The following UBE3A variants were observed in gnomAD, a reference collection of about 807,000 sequenced individuals.
The protein encoded by UBE3A is ubiquitin-protein ligase E3A.
Under a neutral mutation model 83.4 loss-of-function variants are expected in UBE3A, and 6 were observed. The ratio of observed to expected loss-of-function variants is 0.07; its 90% CI spans 0.04 to 0.14. The LOEUF (loss-of-function observed/expected upper bound fraction) is 0.14. Among genes scored for constraint, UBE3A ranks in the 10% least tolerant of loss-of-function variants. The pLI is 1.00. For synonymous variants in UBE3A, 337 were observed against 355.4 expected, an observed-to-expected ratio of 0.95 and a Z score of 0.58; for missense variants, 456 against 1,036.1, an observed-to-expected ratio of 0.44 and a Z score of 7.69.
In UBE3A at chr15:25,366,165, A is replaced by G. The variant is rs538083851; in HGVS notation, c.1608+4401T>C. On this transcript the variant is annotated intron_variant, in intron 6 of 12. Coordinates refer to ENST00000648336, the MANE Select transcript of UBE3A (RefSeq NM_130839.5). ...ATTACTTTGAGGGCATAAACCAAGC[A>G]TATTTCTTGGTTTCATTTTTGATTT... 8.6e-4 allele frequency among the ~76,000 whole-genome samples: 131 copies of G among 152,364 alleles called. 1 individual carries two copies. Among genetic ancestry groups the G allele is most frequent in the African/African-American group, 3.1e-3 (127 of 41,592 alleles).
intron 11 of UBE3A, among the ~76,000 whole-genome samples, chr15:25,340,651 T>G (rs1330915064): frequency 6.6e-6 from 1 of 152,140 alleles, no homozygotes; most frequent in Non-Finnish European, 1.5e-5. Context: ...TTCTCCTTTA[T>G]TCTCCTGGTC....
rs138798844 is a variant in UBE3A at position 25,369,259 on chromosome 15, G to C, written c.1608+1307C>G. Among the ~76,000 whole-genome samples, 579 of 150,808 alleles carry C rather than the reference G, an allele frequency of 3.8e-3. 2 individuals carry two copies. Among genetic ancestry groups the C allele is most frequent in the African/African-American group, 0.013 (554 of 41,106 alleles). On this transcript the variant is annotated intron_variant, in intron 6 of 12. Coordinates refer to ENST00000648336, the MANE Select transcript of UBE3A (RefSeq NM_130839.5). ...CAAGCAATAATAATGACTTCAGGCA[G>C]TTAAAGCCCCCTTTTGTCTCTGCTA...
intron 7 of UBE3A, among the ~76,000 whole-genome samples, chr15:25,360,083 A>G (rs1368302469): frequency 6.6e-6 from 1 of 152,214 alleles, no homozygotes; most frequent in African/African-American, 2.4e-5. Context: ...AACAAAAAGC[A>G]AAGAAATCCC....
At chr15:25,339,386 A>C (rs1439430110) in intron 12 of UBE3A, 129 bp from the exon 13 acceptor site, 1 of 1,200,614 alleles carries the variant, frequency 8.3e-7, no homozygotes, top group East Asian at 2.5e-5. Context: ...ACATTAATGC[A>C]AATCATAAAC....
intron 6 of UBE3A, among the ~76,000 whole-genome samples, chr15:25,366,153 C>T (rs2079065564): frequency 6.6e-6 from 1 of 152,146 alleles, no homozygotes; most frequent in South Asian, 2.1e-4. Flanking sequence ...ACTTTGAGGG[C>T]ATAAACCAAG....
intron 4 of UBE3A, among the ~76,000 whole-genome samples, chr15:25,387,653 C>A (rs866873718): frequency 1.3e-5 from 2 of 151,848 alleles, no homozygotes; most frequent in Admixed American, 1.3e-4. Flanking sequence ...AAATTGAAAA[C>A]AAGATATCAA....
At chr15:25,401,791 T>C (rs2087176841) in intron 4 of UBE3A, among the ~76,000 whole-genome samples, 1 of 152,168 alleles carries the variant, frequency 6.6e-6, no homozygotes, top group Non-Finnish European at 1.5e-5. Flanking sequence ...CCAAATAACC[T>C]GTCTTTTGAG....
At position 25,338,223 on chromosome 15, in the gene UBE3A, T is replaced by C. The variant is rs1488462810; in HGVS notation, c.*914A>G. On this transcript the variant is annotated 3_prime_UTR_variant, in exon 13 of 13. Transcript: ENST00000648336. ...AGTGCACTTTCACATGCTTTTTGTT[T>C]ATAATAAACAAACAACAAACTTCCT... 1 of 152,140 alleles carries C rather than the reference T, an allele frequency of 6.6e-6. No homozygotes were observed. The highest frequency in any genetic ancestry group is 1.9e-4 in the East Asian group (1 of 5,192). The allele number at this position is 152,140 out of a possible 1,614,324, so 9.4% of individuals were successfully genotyped here.
intron 3 of UBE3A, chr15:25,408,548 A>G: frequency 6.3e-7 from 1 of 1,587,454 alleles, no homozygotes; most frequent in Non-Finnish European, 8.7e-7. Flanking sequence ...TGAATCGCAG[A>G]AAATATGATC....
At chr15:25,342,418 C>T (rs1595410106) in intron 11 of UBE3A, among the ~76,000 whole-genome samples, 1 of 152,024 alleles carries the variant, frequency 6.6e-6, no homozygotes, top group Non-Finnish European at 1.5e-5. Flanking sequence ...TAAACGAAAC[C>T]TTTAAAAATT....
chr15:25,424,309 T>G (rs1043131593), intron 1 of UBE3A, among the ~76,000 whole-genome samples: 1 of 152,144 alleles, frequency 6.6e-6, no homozygotes, highest in Non-Finnish European at 1.5e-5. Context: ...CCCCCAAATA[T>G]CCACATGGCT....
At chr15:25,350,386 T>C (rs561618348) in intron 11 of UBE3A, among the ~76,000 whole-genome samples, 11 of 151,592 alleles carry the variant, frequency 7.3e-5, no homozygotes, top group Non-Finnish European at 1.6e-4. Context: ...CCCTGAATTA[T>C]TCATGGAATT....
At chr15:25,433,315 T>C (rs547787907) in intron 1 of UBE3A, among the ~76,000 whole-genome samples, 1 of 152,064 alleles carries the variant, frequency 6.6e-6, no homozygotes, top group African/African-American at 2.4e-5. Flanking sequence ...TCCTGAGTAG[T>C]TGGGACTACA....
chr15:25,340,935 T>C (rs1266188222), intron 11 of UBE3A, among the ~76,000 whole-genome samples: 3 of 152,204 alleles, frequency 2.0e-5, no homozygotes, highest in African/African-American at 7.2e-5. Context: ...ATCTATGTAA[T>C]AAAAGCTATG....
chr15:25,350,048 T>C (rs138593042), intron 11 of UBE3A, among the ~76,000 whole-genome samples: 8 of 152,282 alleles, frequency 5.3e-5, no homozygotes, highest in African/African-American at 1.9e-4. Context: ...GAAGAATTGC[T>C]AGAGTCCAGG....
At chr15:25,356,986 A>C in intron 7 of UBE3A, 90 bp from the exon 8 acceptor site, 1 of 1,098,630 alleles carries the variant, frequency 9.1e-7, no homozygotes. Context: ...ATAATTATGC[A>C]TATAAAACAT....
intron 2 of UBE3A, among the ~76,000 whole-genome samples, chr15:25,410,000 G>T (rs897057615): frequency 6.6e-6 from 1 of 151,848 alleles, no homozygotes; most frequent in South Asian, 2.1e-4. Flanking sequence ...GTTGTGGGGT[G>T]GGGGGAAGGG....
chr15:25,415,736 T>G (rs2090768018), intron 1 of UBE3A: 1 of 152,060 alleles, frequency 6.6e-6, no homozygotes. Flanking sequence ...CTGTATACAT[T>G]TGTCAGTGCC....
chr15:25,431,957 T>C (rs2153184982), intron 1 of UBE3A, among the ~76,000 whole-genome samples: 1 of 152,280 alleles, frequency 6.6e-6, no homozygotes, highest in African/African-American at 2.4e-5. Context: ...AAATAACCCA[T>C]ATTTCCCCTT....
Sources: gnomAD v4.1 joint callset for allele counts (sites outside exome capture counted in the v4.1 genomes callset) on GRCh38, gnomAD v4.1.1 for gene constraint, MANE v1.5 for transcripts, NCBI Gene and HGNC (gene_info 2026-07-23, HGNC 2026-07-21) for gene names.